RORA: variants seen among roughly 807,000 people sequenced by gnomAD.
The protein encoded by RORA is nuclear receptor ROR-alpha.
Under a neutral mutation model 69.5 loss-of-function variants are expected in RORA, and 7 were observed. That is an observed-to-expected ratio of 0.10 (90% CI 0.06 to 0.19). RORA has a LOEUF of 0.19. Among genes scored for constraint, RORA ranks in the 10% least tolerant of loss-of-function variants. The probability of loss-of-function intolerance (pLI) is 1.00; values close to 1 mark genes in which losing one functional copy is unlikely to be tolerated. For synonymous variants in RORA, 261 were observed against 240.8 expected (o/e 1.08, Z -0.78); for missense variants, 457 against 663.0 (o/e 0.69, Z 3.41).
intron 1 of RORA, among the ~76,000 whole-genome samples, chr15:60,982,036 T>C (rs893505086): frequency 6.6e-6 from 1 of 152,262 alleles, no homozygotes; most frequent in African/African-American, 2.4e-5. Context: ...TTCTACGTCA[T>C]GTGTAGCCAC....
intron 1 of RORA, among the ~76,000 whole-genome samples, chr15:61,137,020 AAAGAAAG>A (rs1247132890): frequency 4.6e-5 from 1 of 21,602 alleles, no homozygotes; most frequent in East Asian, 1.1e-3. Context: ...AATAAATAAA[AAAGAAAG>A]AAAGAAAGAA....
intron 2 of RORA, among the ~76,000 whole-genome samples, chr15:60,608,572 T>G (rs2069006166): frequency 6.6e-6 from 1 of 152,198 alleles, no homozygotes; most frequent in Non-Finnish European, 1.5e-5. Context: ...TATTGAAAAC[T>G]GATTTCCTGT....
At chr15:61,197,540 G>A (rs1018014827) in intron 1 of RORA, among the ~76,000 whole-genome samples, 22 of 152,144 alleles carry the variant, frequency 1.4e-4, no homozygotes, top group African/African-American at 5.3e-4. Context: ...TTCTCCCTCT[G>A]GTTTCATTGG....
chr15:60,989,571 CAA>C (rs1480635874), intron 1 of RORA, among the ~76,000 whole-genome samples: 1 of 152,160 alleles, frequency 6.6e-6, no homozygotes, highest in African/African-American at 2.4e-5. Context: ...GGTATATACT[CAA>C]GAGTGGAATT....
chr15:60,612,900 T>G (rs1184706137), intron 2 of RORA, among the ~76,000 whole-genome samples: 1 of 152,114 alleles, frequency 6.6e-6, no homozygotes, highest in African/African-American at 2.4e-5. Flanking sequence ...CACTGATCAT[T>G]GTGCAAAATG....
At chr15:61,190,460 A>G (rs1300495476) in intron 1 of RORA, among the ~76,000 whole-genome samples, 1 of 152,220 alleles carries the variant, frequency 6.6e-6, no homozygotes, top group African/African-American at 2.4e-5. Context: ...TAGATTACAT[A>G]AAGAGTTCAA....
chr15:60,814,886 C>T (rs1261628439), intron 1 of RORA, among the ~76,000 whole-genome samples: 2 of 152,170 alleles, frequency 1.3e-5, no homozygotes, highest in Non-Finnish European at 2.9e-5. Flanking sequence ...CCAGCCCGTC[C>T]TCAACCCTGG....
chr15:60,817,626 G>A (rs2072836118), intron 1 of RORA, among the ~76,000 whole-genome samples: 1 of 152,152 alleles, frequency 6.6e-6, no homozygotes, highest in Admixed American at 6.5e-5. Flanking sequence ...TTGGCGCCCT[G>A]ACACACCTTG....
chr15:60,561,285 G>T (rs2067552325), intron 2 of RORA, among the ~76,000 whole-genome samples: 2 of 151,708 alleles, frequency 1.3e-5, no homozygotes, highest in Admixed American at 6.6e-5. Context: ...GTTTCACCGT[G>T]TTAGCCAGGA....
At chr15:61,076,188 T>C (rs1321423089) in intron 1 of RORA, among the ~76,000 whole-genome samples, 1 of 151,916 alleles carries the variant, frequency 6.6e-6, no homozygotes, top group African/African-American at 2.4e-5. Context: ...AAAGCAGAGG[T>C]CGCAGGGCCT....
At chr15:61,217,837 G>A (rs896591192) in intron 1 of RORA, among the ~76,000 whole-genome samples, 1 of 152,136 alleles carries the variant, frequency 6.6e-6, no homozygotes, top group Non-Finnish European at 1.5e-5. Context: ...ATATTAATGA[G>A]CATGTGCTAA....
chr15:61,054,844 G>A (rs899925940), intron 1 of RORA, among the ~76,000 whole-genome samples: 1 of 141,348 alleles, frequency 7.1e-6, no homozygotes, highest in African/African-American at 2.7e-5. Flanking sequence ...TTTTTTTGGT[G>A]GGGGAGCAGT....
intron 2 of RORA, among the ~76,000 whole-genome samples, chr15:60,587,191 T>C (rs778570121): frequency 5.9e-5 from 9 of 152,180 alleles, no homozygotes; most frequent in Non-Finnish European, 1.3e-4. Flanking sequence ...AAAATAATGC[T>C]TATATTTCAC....
At chr15:61,004,045 G>A (rs1424064333) in intron 1 of RORA, among the ~76,000 whole-genome samples, 2 of 152,132 alleles carry the variant, frequency 1.3e-5, no homozygotes, top group Non-Finnish European at 1.5e-5. Flanking sequence ...ATTGTGGAGG[G>A]ACTAAAGACA....
At chr15:60,771,088 G>A (rs1039929701) in intron 1 of RORA, among the ~76,000 whole-genome samples, 6 of 152,152 alleles carry the variant, frequency 3.9e-5, no homozygotes, top group East Asian at 1.9e-4. Flanking sequence ...TATCCATAGC[G>A]CATAAGGGAA....
chr15:61,142,295 G>A (rs1174222409), intron 1 of RORA, among the ~76,000 whole-genome samples: 6 of 152,004 alleles, frequency 3.9e-5, no homozygotes, highest in Admixed American at 3.3e-4. Flanking sequence ...CAATTCCTCA[G>A]GAAGATACCT....
intron 1 of RORA, among the ~76,000 whole-genome samples, chr15:60,938,371 C>A (rs548301551): frequency 2.0e-5 from 3 of 152,268 alleles, no homozygotes; most frequent in South Asian, 4.2e-4. Context: ...ATCATTGTTA[C>A]CATGACAATT....
chr15:60,853,949 C>T (rs2073353430), intron 1 of RORA, among the ~76,000 whole-genome samples: 3 of 152,132 alleles, frequency 2.0e-5, no homozygotes, highest in Admixed American at 2.0e-4. Flanking sequence ...TGAGGAAAAA[C>T]ACCGGAAAAG....
At chr15:60,751,402 T>A (rs577133853) in intron 1 of RORA, among the ~76,000 whole-genome samples, 1 of 152,180 alleles carries the variant, frequency 6.6e-6, no homozygotes, top group African/African-American at 2.4e-5. Flanking sequence ...ATTACAACAA[T>A]AAATAATAAC....
Sources: allele counts gnomAD v4.1 joint callset (sites outside exome capture counted in the v4.1 genomes callset), GRCh38; gene constraint gnomAD v4.1.1; transcripts MANE v1.5; gene names NCBI Gene and HGNC (gene_info 2026-07-23, HGNC 2026-07-21).